RNH1: variants seen among roughly 807,000 people sequenced by gnomAD.
RNH1 encodes ribonuclease inhibitor.
A neutral mutation model predicts 46.1 loss-of-function variants in RNH1; 38 were observed. The ratio of observed to expected loss-of-function variants is 0.82; its 90% CI spans 0.64 to 1.08. The LOEUF is 1.08. Among genes scored for constraint, RNH1 ranks in the 50% least tolerant of loss-of-function variants. RNH1 has a pLI of 0.00. For missense variants in RNH1, 577 were observed against 590.7 expected, an observed-to-expected ratio of 0.98 and a Z score of 0.24; for synonymous variants, 319 against 279.1, an observed-to-expected ratio of 1.14 and a Z score of -1.43.
chr11:500,914 A>C, intron 3 of RNH1: 1 of 565,580 alleles, frequency 1.8e-6, no homozygotes, highest in Middle Eastern at 4.8e-4. Flanking sequence ...AGATCACCTG[A>C]GGTCGGGAGT....
Position 502,114 on chromosome 11 carries a change from C to T in RNH1, c.49G>A (p.Asp17Asn), listed in dbSNP as rs763339541. 2.4e-5 allele frequency: 39 copies of T among 1,612,092 alleles called. No individual in the cohort carries two copies. The highest frequency in any genetic ancestry group is 6.7e-5 in the Admixed American group (4 of 59,872). The change falls in exon 3 of 11, where the codon GAC (aspartate) becomes AAC (asparagine). Residue 17 changes from aspartate (D) to asparagine (N), a missense_variant. By Grantham distance (23) the Asp-to-Asn change is conservative. Transcript: ENST00000354420. The surrounding 1 kb of genome is among the most constrained non-coding windows in gnomAD (Gnocchi z 5.8). ...SLDIQCEELS[D>N]ARWAELLPLL... ...GGGAGGAGCTCGGCCCATCTAGCGTCGCTCAGCTCCTCACACTGGATGTCC... is the reference window on the plus strand; with the variant it reads ...GGGAGGAGCTCGGCCCATCTAGCGTTGCTCAGCTCCTCACACTGGATGTCC...
chr11:499,395 C>A, intron 5 of RNH1: 1 of 671,994 alleles, frequency 1.5e-6, no homozygotes, highest in Non-Finnish European at 2.7e-6. Context: ...CACCCCCTCC[C>A]GGACCTCAGA....
At chr11:498,333 T>G in intron 8 of RNH1, 124 bp downstream of exon 8, 1 of 1,366,794 alleles carries the variant, frequency 7.3e-7, no homozygotes, top group East Asian at 2.4e-5. Flanking sequence ...CCCTGGCCTA[T>G]GCATTCTGAA....
At position 500,473 on chromosome 11, in the gene RNH1, C is replaced by T; in HGVS notation, c.272+11G>A. 1 of 1,600,876 alleles carries T rather than the reference C, an allele frequency of 6.2e-7. No individual in the cohort carries two copies. Among genetic ancestry groups the T allele is most frequent in the Non-Finnish European group, 8.5e-7 (1 of 1,176,356 alleles). On this transcript the variant is annotated intron_variant, in intron 4 of 10. Coordinates refer to ENST00000354420, the MANE Select transcript of RNH1 (RefSeq NM_203387.3). ...GCACCAGGCCAGAGGCAGTGCCAGG[C>T]CCCGCCTCACCTCAGCTTCTGGATC...
At chr11:498,427 A>C in intron 8 of RNH1, 30 bp downstream of exon 8, 1 of 1,607,806 alleles carries the variant, frequency 6.2e-7, no homozygotes, top group Non-Finnish European at 8.5e-7. Flanking sequence ...CTCTTGGGCG[A>C]CAGGGCCCTG....
Position 502,983 on chromosome 11 carries a change from C to T in RNH1, c.-87-734G>A, listed in dbSNP as rs973803647. ...GCCCTGAGAGCACAGCTCAGGTACC[C>T]GCCAGGGGCCTGGGGAAAGTGGTCA... On this transcript the variant is annotated intron_variant, in intron 2 of 10. Coordinates refer to ENST00000354420, the MANE Select transcript of RNH1 (RefSeq NM_203387.3). The surrounding 1 kb of genome is among the most constrained non-coding windows in gnomAD (Gnocchi z 5.8). 1 of 152,298 alleles carries T rather than the reference C, an allele frequency of 6.6e-6. No homozygotes were observed. The highest frequency in any genetic ancestry group is 1.5e-5 in the Non-Finnish European group (1 of 68,126). 9.4% of individuals were successfully genotyped at this position (152,298 alleles called of 1,614,324 possible).
At chr11:497,242 GAC>G in intron 9 of RNH1, among the ~76,000 whole-genome samples, 1 of 116,664 alleles carries the variant, frequency 8.6e-6, no homozygotes, top group East Asian at 2.5e-4. Flanking sequence ...CTCACACACG[GAC>G]ACTCATGCTC....
In RNH1 at chr11:501,846, C is replaced by A. The variant is rs1361344301; in HGVS notation, c.101+216G>T. The A allele has an allele frequency of 8.6e-6, 5 of 578,236 alleles. No homozygotes were observed. Among genetic ancestry groups the A allele is most frequent in the South Asian group, 8.3e-5 (4 of 48,358 alleles). The allele number at this position is 578,236 out of a possible 1,614,324, so 35.8% of individuals were successfully genotyped here. ...GTGGCCGCCCACCTCGGCCCGCCCA[C>A]CTCAGCCCATGCTGCATGAGCCTGG... On this transcript the variant is annotated intron_variant, in intron 3 of 10. Coordinates refer to ENST00000354420, the MANE Select transcript of RNH1 (RefSeq NM_203387.3). This position sits in a 1 kb window ranked among gnomAD's most constrained non-coding sequence, Gnocchi z 4.1.
rs777605286 is a variant in RNH1 at position 499,801 on chromosome 11, T to C, written c.443+28A>G. The C allele has an allele frequency of 1.1e-5, 18 of 1,591,268 alleles. No individual in the cohort carries two copies. The South Asian group carries it at 1.7e-4, about 15-fold the overall frequency. On this transcript the variant is annotated intron_variant, in intron 5 of 10. Coordinates refer to ENST00000354420, the MANE Select transcript of RNH1 (RefSeq NM_203387.3). ...GCTGGGGGACAGGCAGCGGCCAGCATGGGCCCTGGGGCAGGACACAAACTC... is the reference window on the plus strand; with the variant it reads ...GCTGGGGGACAGGCAGCGGCCAGCACGGGCCCTGGGGCAGGACACAAACTC...
intron 3 of RNH1, chr11:500,913 G>A: frequency 1.8e-6 from 1 of 566,936 alleles, no homozygotes. Context: ...CAGATCACCT[G>A]AGGTCGGGAG....
chr11:504,967 C>T lies in RNH1; in HGVS notation c.-231G>A, dbSNP rs1850138051. The T allele has an allele frequency of 6.6e-6, 1 of 152,190 alleles. No homozygotes were observed. Among genetic ancestry groups the T allele is most frequent in the African/African-American group, 2.4e-5 (1 of 41,416 alleles). The allele number at this position is 152,190 out of a possible 1,614,324, so 9.4% of individuals were successfully genotyped here. A position where few individuals can be genotyped will look rare whatever the true frequency, so the allele number is the denominator to read the frequency against. On this transcript the variant is annotated 5_prime_UTR_variant, in exon 2 of 11. Coordinates refer to ENST00000354420, the MANE Select transcript of RNH1 (RefSeq NM_203387.3). ...GTCCTCAAAACTTTGGACACACCCT[C>T]CGTTTCTGTCAGTCAAGAGTTCTTC... is the stretch of plus-strand genomic sequence containing the variant.
chr11:495,156 G>A (rs766091041), intron 9 of RNH1, 103 bp from the exon 10 acceptor site: 205 of 1,202,416 alleles, frequency 1.7e-4, no homozygotes, highest in Non-Finnish European at 2.2e-4. Flanking sequence ...ACCTGTGCTC[G>A]GCAACTCAGG....
At chr11:495,182 C>T (rs1328444583) in intron 9 of RNH1, 129 bp from the exon 10 acceptor site, 13 of 933,976 alleles carry the variant, frequency 1.4e-5, no homozygotes, top group African/African-American at 8.3e-5. Context: ...CAGGTGGGGC[C>T]GTCCCCAAGG....
chr11:503,852 T>G (rs1163479491), intron 2 of RNH1, among the ~76,000 whole-genome samples: 1 of 152,086 alleles, frequency 6.6e-6, no homozygotes. Flanking sequence ...CAGACCCTGT[T>G]GTATCCCAGA....
rs964328476 is a variant in RNH1, at chr11:501,986, T to C, written c.101+76A>G. On this transcript the variant is annotated intron_variant, in intron 3 of 10. Transcript: ENST00000354420. The surrounding 1 kb of genome is among the most constrained non-coding windows in gnomAD (Gnocchi z 4.1). ...CCACAAACAAGGCGTTCCAGAGCAATGCACCCTTCAGAGGGAGCCGCCACC... is the reference window on the plus strand; with the variant it reads ...CCACAAACAAGGCGTTCCAGAGCAACGCACCCTTCAGAGGGAGCCGCCACC... 6.5e-6 allele frequency: 6 copies of C among 929,444 alleles called. No homozygotes were observed. The highest frequency in any genetic ancestry group is 3.3e-5 in the African/African-American group (2 of 61,384). The allele number at this position is 929,444 out of a possible 1,614,324, so 57.6% of individuals were successfully genotyped here. A position where few individuals can be genotyped will look rare whatever the true frequency, so the allele number is the denominator to read the frequency against.
intron 9 of RNH1, among the ~76,000 whole-genome samples, chr11:496,191 C>A (rs1249072438): frequency 6.6e-6 from 1 of 152,104 alleles, no homozygotes; most frequent in African/African-American, 2.4e-5. Context: ...ACATGGAACC[C>A]CTAACACAGT....
At position 498,821 on chromosome 11, in the gene RNH1, C is replaced by T. The variant is rs1174427006; in HGVS notation, c.727G>A (p.Gly243Ser). 1.2e-6 allele frequency: 2 copies of T among 1,609,804 alleles called. No homozygotes were observed. Among genetic ancestry groups the T allele is most frequent in the East Asian group, 4.5e-5 (2 of 44,854 alleles). Residue 243 changes from glycine (G) to serine (S), a missense_variant, in exon 7 of 11, where the codon GGC (glycine) becomes AGC (serine). By Grantham distance (56) the Gly-to-Ser change is moderately conservative. Coordinates refer to ENST00000354420, the MANE Select transcript of RNH1 (RefSeq NM_203387.3). ...ALGSNKLGDVGMAELCPGLLH... is the reference protein window; with the variant it reads ...ALGSNKLGDVSMAELCPGLLH... ...AGCCCTGGGCACAGCTCCGCCATGCCCACATCACCCAGCTTGTTGCTGCCC... is the reference window on the plus strand; with the variant it reads ...AGCCCTGGGCACAGCTCCGCCATGCTCACATCACCCAGCTTGTTGCTGCCC...
intron 4 of RNH1, 104 bp from the exon 5 acceptor site, chr11:500,103 C>G: frequency 7.8e-7 from 1 of 1,289,242 alleles, no homozygotes; most frequent in Non-Finnish European, 1.0e-6. Flanking sequence ...GGCGGCAGGT[C>G]TATACCTGCT....
intron 9 of RNH1, among the ~76,000 whole-genome samples, chr11:495,962 C>G (rs1849016069): frequency 6.6e-6 from 1 of 152,116 alleles, no homozygotes; most frequent in South Asian, 2.1e-4. Context: ...AGTAGACTGG[C>G]TGGTAAATGA....
Sources: gnomAD v4.1 joint callset for allele counts (sites outside exome capture counted in the v4.1 genomes callset) on GRCh38, gnomAD v4.1.1 for gene constraint, Gnocchi (gnomAD v3.1) non-coding constraint, MANE v1.5 for transcripts, NCBI Gene and HGNC (gene_info 2026-07-23, HGNC 2026-07-21) for gene names.